The following RNGTT variants were observed in gnomAD, a reference collection of about 807,000 sequenced individuals.
RNGTT encodes mRNA-capping enzyme.
Under a neutral mutation model 79.3 loss-of-function variants are expected in RNGTT, and 33 were observed. The observed-to-expected ratio is 0.42, with a 90% CI of 0.32 to 0.56. The LOEUF (loss-of-function observed/expected upper bound fraction) is 0.56, where lower values mean the gene tolerates loss of function less well. Ranked by LOEUF, RNGTT falls within the 20% of genes least tolerant of loss-of-function variation. The probability of loss-of-function intolerance (pLI) is 0.17; values close to 1 mark genes in which losing one functional copy is unlikely to be tolerated. For missense variants in RNGTT, 497 were observed against 739.1 expected (o/e 0.67, Z 3.80); for synonymous variants, 222 against 235.9 (o/e 0.94, Z 0.54).
At chr6:88,645,188 C>T (rs968333899) in intron 14 of RNGTT, among the ~76,000 whole-genome samples, 30 of 152,278 alleles carry the variant, frequency 2.0e-4, no homozygotes, top group African/African-American at 6.5e-4. Flanking sequence ...GCAAAAATCA[C>T]AAGCATTCTT....
chr6:88,698,290 T>TATATGA (rs1775819660), intron 13 of RNGTT, among the ~76,000 whole-genome samples: 1 of 127,036 alleles, frequency 7.9e-6, no homozygotes, highest in African/African-American at 3.5e-5. Flanking sequence ...TTCATATATA[T>TATATGA]CATATATATA....
chr6:88,927,250 T>G (rs1465302606), intron 4 of RNGTT, among the ~76,000 whole-genome samples: 1 of 152,176 alleles, frequency 6.6e-6, no homozygotes, highest in Non-Finnish European at 1.5e-5. Context: ...TGGGCAGGCA[T>G]GGTGGTTCAC....
At chr6:88,949,436 G>C (rs1785169438) in intron 1 of RNGTT, among the ~76,000 whole-genome samples, 1 of 151,736 alleles carries the variant, frequency 6.6e-6, no homozygotes, top group Admixed American at 6.6e-5. Flanking sequence ...TAATTTTTTT[G>C]TATTTTTAGT....
chr6:88,794,237 T>C (rs1035378565), intron 12 of RNGTT, among the ~76,000 whole-genome samples: 2 of 152,184 alleles, frequency 1.3e-5, no homozygotes, highest in Non-Finnish European at 2.9e-5. Flanking sequence ...CATGTTATTG[T>C]TTTAGGGAAG....
intron 11 of RNGTT, among the ~76,000 whole-genome samples, chr6:88,820,164 A>G (rs571066943): frequency 8.5e-5 from 13 of 152,176 alleles, no homozygotes; most frequent in South Asian, 4.1e-4. Flanking sequence ...CCTACCAATT[A>G]CCCAGTGAAA....
At chr6:88,632,679 C>T (rs1772944590) in intron 14 of RNGTT, among the ~76,000 whole-genome samples, 5 of 151,782 alleles carry the variant, frequency 3.3e-5, no homozygotes, top group Admixed American at 3.3e-4. Context: ...TGATTGAGAT[C>T]CACTTAATGG....
At chr6:88,825,425 C>A (rs576445983) in intron 11 of RNGTT, among the ~76,000 whole-genome samples, 7 of 152,316 alleles carry the variant, frequency 4.6e-5, no homozygotes, top group African/African-American at 1.7e-4. Flanking sequence ...GGAAATAACT[C>A]ATGAACTTTC....
chr6:88,730,099 T>C (rs73754811), intron 13 of RNGTT, among the ~76,000 whole-genome samples: 3,398 of 152,246 alleles, frequency 0.022, 113 homozygotes, highest in African/African-American at 0.077. Context: ...AGCCAAGACA[T>C]GTTAAAAAGT....
intron 8 of RNGTT, among the ~76,000 whole-genome samples, chr6:88,868,171 T>C (rs1442645467): frequency 6.6e-6 from 1 of 152,132 alleles, no homozygotes; most frequent in Non-Finnish European, 1.5e-5. Flanking sequence ...ACAGCTCTTT[T>C]AAGGCCTCAA....
At chr6:88,619,200 CTGTCACCCAGGTTGGAG>C (rs1212365684) in intron 14 of RNGTT, among the ~76,000 whole-genome samples, 1 of 151,694 alleles carries the variant, frequency 6.6e-6, no homozygotes, top group African/African-American at 2.4e-5. Flanking sequence ...AAGTCTCAGT[CTGTCACCCAGGTTGGAG>C]TGCAGTGGTG....
chr6:88,931,287 A>G (rs1382836827), intron 2 of RNGTT, among the ~76,000 whole-genome samples: 8 of 151,916 alleles, frequency 5.3e-5, no homozygotes, highest in Non-Finnish European at 7.4e-5. Context: ...GTTTCAGACC[A>G]GCATATATAA....
chr6:88,655,607 TA>T (rs113179041), intron 14 of RNGTT, among the ~76,000 whole-genome samples: 2,038 of 151,606 alleles, frequency 0.013, 42 homozygotes, highest in African/African-American at 0.046. Flanking sequence ...ATAACTGCCT[TA>T]AAAAAAAATC....
At chr6:88,952,868 A>G (rs1785300818) in intron 1 of RNGTT, among the ~76,000 whole-genome samples, 1 of 152,136 alleles carries the variant, frequency 6.6e-6, no homozygotes, top group African/African-American at 2.4e-5. Context: ...AGCAATAACA[A>G]TCACACCAAT....
intron 13 of RNGTT, among the ~76,000 whole-genome samples, chr6:88,732,058 A>C (rs1167143923): frequency 2.6e-5 from 4 of 152,140 alleles, no homozygotes; most frequent in South Asian, 2.1e-4. Context: ...AGATGGAAGA[A>C]GAGGAGGGTT....
chr6:88,908,005 A>G (rs975870350), intron 4 of RNGTT, among the ~76,000 whole-genome samples: 1 of 152,152 alleles, frequency 6.6e-6, no homozygotes, highest in African/African-American at 2.4e-5. Flanking sequence ...CAAGTCTGGG[A>G]TTACAGGCAT....
intron 14 of RNGTT, among the ~76,000 whole-genome samples, chr6:88,619,562 A>G (rs1772365757): frequency 6.6e-6 from 1 of 152,356 alleles, no homozygotes; most frequent in African/African-American, 2.4e-5. Flanking sequence ...AGAATTAAAA[A>G]TTATTATTAA....
At chr6:88,865,225 TA>T (rs757604913) in intron 8 of RNGTT, among the ~76,000 whole-genome samples, 24 of 152,078 alleles carry the variant, frequency 1.6e-4, no homozygotes, top group Non-Finnish European at 3.1e-4. Context: ...ACAGAGTACT[TA>T]ATTAAGTACT....
At chr6:88,785,291 C>A (rs1779191151) in intron 12 of RNGTT, among the ~76,000 whole-genome samples, 3 of 151,912 alleles carry the variant, frequency 2.0e-5, no homozygotes, top group Admixed American at 1.3e-4. Context: ...TCATCATTAG[C>A]AATTCCTTTT....
chr6:88,780,159 G>C (rs1379719175), intron 12 of RNGTT, among the ~76,000 whole-genome samples: 1 of 152,066 alleles, frequency 6.6e-6, no homozygotes, highest in Non-Finnish European at 1.5e-5. Flanking sequence ...TCAATTTTGT[G>C]CCTACAAAAC....
Sources: gnomAD v4.1 joint callset for allele counts (sites outside exome capture counted in the v4.1 genomes callset) on GRCh38, gnomAD v4.1.1 for gene constraint, MANE v1.5 for transcripts, NCBI Gene and HGNC (gene_info 2026-07-23, HGNC 2026-07-21) for gene names.